DYNC2H1: variants seen among roughly 807,000 people sequenced by gnomAD.
DYNC2H1 encodes the protein dynein cytoplasmic 2 heavy chain 1.
DYNC2H1 carries 410 observed loss-of-function variants against 570.0 expected under a neutral mutation model. The observed-to-expected ratio is 0.72, with a 90% CI of 0.66 to 0.78. The LOEUF (loss-of-function observed/expected upper bound fraction) is 0.78, where lower values mean the gene tolerates loss of function less well. Ranked by LOEUF, DYNC2H1 falls within the 30% of genes least tolerant of loss-of-function variation. The pLI, the probability that DYNC2H1 is intolerant of heterozygous loss-of-function variation, is 0.00. For synonymous variants in DYNC2H1, 1,688 were observed against 1,677.6 expected, an observed-to-expected ratio of 1.01 and a Z score of -0.15; for missense variants, 4,865 against 5,046.4, an observed-to-expected ratio of 0.96 and a Z score of 1.09.
chr11:103,110,847 C>G (rs180820271), intron 1 of DYNC2H1, among the ~76,000 whole-genome samples: 1 of 149,100 alleles, frequency 6.7e-6, no homozygotes, highest in Non-Finnish European at 1.5e-5. Flanking sequence ...AGACGCAGTT[C>G]GCAGTTTCGC....
At chr11:103,134,261 CT>C in intron 14 of DYNC2H1, 59 bp from the exon 15 acceptor site, 1 of 1,502,572 alleles carries the variant, frequency 6.7e-7, no homozygotes, top group Non-Finnish European at 9.2e-7. Flanking sequence ...GGTTTCTCCA[CT>C]GAAAAGTTAC....
In DYNC2H1 at chr11:103,316,631, AC is replaced by A; in HGVS notation, c.11725+12del. Reference sequence around the variant, plus strand: ...ACAGACTTTTTGATGGTAAGTTCTAACAAAAATTTTAATCTCATATTAATAA... The same window carrying A: ...ACAGACTTTTTGATGGTAAGTTCTAAAAAAATTTTAATCTCATATTAATAA... On this transcript the variant is annotated intron_variant, in intron 80 of 88. Coordinates refer to ENST00000375735, the MANE Select transcript of DYNC2H1 (RefSeq NM_001377.3). The A allele has an allele frequency of 5.4e-6, 8 of 1,495,164 alleles. No individual in the cohort carries two copies. Among genetic ancestry groups the A allele is most frequent in the Non-Finnish European group, 7.1e-6 (8 of 1,123,780 alleles). 92.6% of individuals were successfully genotyped at this position (1,495,164 alleles called of 1,614,324 possible).
In DYNC2H1 at chr11:103,382,617, C is replaced by T. The variant is rs573068943; in HGVS notation, c.12157-17046C>T. ...TACGATACTTATTTGTAATACATACCTTGGTTGGATGAAAGCATTTCTCAG... is the reference window on the plus strand; with the variant it reads ...TACGATACTTATTTGTAATACATACTTTGGTTGGATGAAAGCATTTCTCAG... On this transcript the variant is annotated intron_variant, in intron 83 of 88. Coordinates refer to ENST00000375735, the MANE Select transcript of DYNC2H1 (RefSeq NM_001377.3). 3.9e-5 allele frequency among the ~76,000 whole-genome samples: 6 copies of T among 152,100 alleles called. No homozygotes were observed. The East Asian group carries it at 1.2e-3, about 29-fold the overall frequency.
chr11:103,357,460 G>T (rs1372033983), intron 82 of DYNC2H1, among the ~76,000 whole-genome samples: 3 of 152,050 alleles, frequency 2.0e-5, no homozygotes, highest in Non-Finnish European at 4.4e-5. Flanking sequence ...TTATCAACCA[G>T]TAATTATCAT....
At chr11:103,230,447 C>A (rs959515414) in intron 59 of DYNC2H1, among the ~76,000 whole-genome samples, 2 of 152,066 alleles carry the variant, frequency 1.3e-5, no homozygotes, top group Admixed American at 1.3e-4. Context: ...TTATCTTTCA[C>A]CTAGGATGTG....
At chr11:103,397,583 G>T (rs1031850937) in intron 83 of DYNC2H1, among the ~76,000 whole-genome samples, 3 of 152,136 alleles carry the variant, frequency 2.0e-5, no homozygotes, top group Non-Finnish European at 4.4e-5. Flanking sequence ...ATATTGTGGG[G>T]ATTGCTAAAT....
intron 87 of DYNC2H1, among the ~76,000 whole-genome samples, chr11:103,460,025 G>GT (rs1944958405): frequency 6.7e-6 from 1 of 150,318 alleles, no homozygotes; most frequent in African/African-American, 2.5e-5. Context: ...TAATTTTGTC[G>GT]TTTTGTTTTG....
chr11:103,457,716 C>A (rs149483066), intron 87 of DYNC2H1, among the ~76,000 whole-genome samples: 3 of 152,128 alleles, frequency 2.0e-5, no homozygotes, highest in South Asian at 2.1e-4. Context: ...TTCAAGTGAT[C>A]CTTCTGCCTT....
rs191520930 is a variant in DYNC2H1 at position 103,319,631 on chromosome 11, A to C, written c.11726-1398A>C. On this transcript the variant is annotated intron_variant, in intron 80 of 88. Coordinates refer to ENST00000375735, the MANE Select transcript of DYNC2H1 (RefSeq NM_001377.3). This position sits in a 1 kb window ranked among gnomAD's most constrained non-coding sequence, Gnocchi z 4.3. ...GTTCTATTCATTTTATTTTATCCTG[A>C]ACAACATAAAATTTGTTTTGAGAAA... 6.6e-6 allele frequency among the ~76,000 whole-genome samples: 1 copy of C among 152,304 alleles called. No individual in the cohort carries two copies. The highest frequency in any genetic ancestry group is 1.9e-4 in the East Asian group (1 of 5,190).
At chr11:103,183,795 G>A (rs1389729309) in intron 40 of DYNC2H1, among the ~76,000 whole-genome samples, 2 of 151,426 alleles carry the variant, frequency 1.3e-5, no homozygotes, top group East Asian at 1.9e-4. Context: ...CTTTCTTCCT[G>A]CTCTTCCTCC....
chr11:103,320,925 G>C (rs1938152109), intron 80 of DYNC2H1, 104 bp from the exon 81 acceptor site: 5 of 832,938 alleles, frequency 6.0e-6, no homozygotes, highest in Non-Finnish European at 9.2e-6. Context: ...AAATGATTTA[G>C]TTGTATTAAA....
At chr11:103,452,207 C>T (rs901192626) in intron 85 of DYNC2H1, among the ~76,000 whole-genome samples, 1 of 152,134 alleles carries the variant, frequency 6.6e-6, no homozygotes, top group South Asian at 2.1e-4. Flanking sequence ...AGGTTAAATT[C>T]TAACATTTTT....
In DYNC2H1 at chr11:103,280,363, T is replaced by G. The variant is rs1012450018; in HGVS notation, c.10711T>G (p.Phe3571Val). Residue 3571 changes from phenylalanine (F) to valine (V), a missense_variant, in exon 71 of 89, where the codon TTC becomes GTC. By Grantham distance (50) the Phe-to-Val change is conservative. Around this residue, in one of 5 missense-constraint regions of DYNC2H1, gnomAD observed 2,401 missense variants for 2,454.6 expected, o/e 0.98. Transcript: ENST00000375735. This position sits in a 1 kb window ranked among gnomAD's most constrained non-coding sequence, Gnocchi z 4.7. Reference sequence around the variant, plus strand: ...TTCTTTGCAGGCTGATCAGTTGATGTTCGCTTTGCATTTTGTTCGAGGCAT... The same window carrying G: ...TTCTTTGCAGGCTGATCAGTTGATGGTCGCTTTGCATTTTGTTCGAGGCAT... ...RCLFKADQLM[F>V]ALHFVRGMHP... 4 of 1,555,446 alleles carry G rather than the reference T, an allele frequency of 2.6e-6. No individual in the cohort carries two copies. The highest frequency in any genetic ancestry group is 3.9e-5 in the Admixed American group (2 of 51,452).
intron 39 of DYNC2H1, 85 bp downstream of exon 39, chr11:103,179,318 G>T: frequency 1.7e-6 from 2 of 1,190,340 alleles, no homozygotes; most frequent in East Asian, 2.6e-5. Context: ...AGTGTAGTGT[G>T]AATAATGAAT....
chr11:103,109,538 TC>T lies in DYNC2H1; in HGVS notation c.-32del, dbSNP rs1429963482. 3 of 1,589,516 alleles carry T rather than the reference TC, an allele frequency of 1.9e-6. No individual in the cohort carries two copies. The South Asian group carries it at 3.4e-5, about 18-fold the overall frequency. On this transcript the variant is annotated 5_prime_UTR_variant, in exon 1 of 89. Transcript: ENST00000375735. ...CCCTCCGGACTGGTTTCTTCTTCCT[TC>T]CCCCTTCCCCCAACTTCCCTCCACC...
At chr11:103,117,564 GTATTT>G (rs1416683965) in intron 5 of DYNC2H1, 62 bp from the exon 6 acceptor site, 144 of 1,246,360 alleles carry the variant, frequency 1.2e-4, no homozygotes, top group Middle Eastern at 2.3e-4. Flanking sequence ...TCATAAGCAT[GTATTT>G]TATAATTTTT....
chr11:103,121,432 T>G lies in DYNC2H1; in HGVS notation c.1421T>G (p.Leu474Arg), dbSNP rs1355408697. The stretch of plus-strand genomic sequence containing the variant: ...ATTCCTGGTGATGCATCTGGACCAC[T>G]TTCTGGCAAAAATCTTTCAGAAGTT... ...RGIPGDASGP[L>R]SGKNLSEVVN... Residue 474 changes from leucine to arginine, a missense_variant, in exon 10 of 89, where the codon CTT becomes CGT. Leu to Arg is a moderately radical substitution (Grantham distance 102, BLOSUM62 -2). Transcript: ENST00000375735. 3 of 1,613,610 alleles carry G rather than the reference T, an allele frequency of 1.9e-6. No individual in the cohort carries two copies. The highest frequency in any genetic ancestry group is 2.5e-6 in the Non-Finnish European group (3 of 1,179,688).
chr11:103,389,520 T>G (rs1942040868), intron 83 of DYNC2H1, among the ~76,000 whole-genome samples: 1 of 152,334 alleles, frequency 6.6e-6, no homozygotes, highest in East Asian at 1.9e-4. Flanking sequence ...TGATCTTAGT[T>G]ATTTCTTGCT....
chr11:103,109,894 T>A (rs1858029515), intron 1 of DYNC2H1, 125 bp downstream of exon 1: 1 of 971,304 alleles, frequency 1.0e-6, no homozygotes, highest in Non-Finnish European at 1.5e-6. Context: ...CCCAAGGCTG[T>A]CTCCACTTCT....
Sources: allele counts gnomAD v4.1 joint callset (sites outside exome capture counted in the v4.1 genomes callset), GRCh38; gene constraint gnomAD v4.1.1; regional missense constraint gnomAD v4.1.1; non-coding constraint Gnocchi (gnomAD v3.1); transcripts MANE v1.5; gene names NCBI Gene and HGNC (gene_info 2026-07-23, HGNC 2026-07-21).